SEZ6L: variants seen among roughly 807,000 people sequenced by gnomAD.
SEZ6L encodes the protein seizure related 6 homolog like.
SEZ6L carries 37 observed loss-of-function variants against 106.2 expected under a neutral mutation model. The observed-to-expected ratio is 0.35, with a 90% CI of 0.27 to 0.46. SEZ6L has a LOEUF of 0.46. SEZ6L is among the 20% of genes least tolerant of loss of function. SEZ6L has a pLI of 1.00. For synonymous variants in SEZ6L, 541 were observed against 570.4 expected (o/e 0.95, Z 0.73); for missense variants, 1,172 against 1,332.8 (o/e 0.88, Z 1.88).
intron 1 of SEZ6L, among the ~76,000 whole-genome samples, chr22:26,172,640 G>A (rs1601945609): frequency 6.6e-6 from 1 of 152,296 alleles, no homozygotes; most frequent in East Asian, 1.9e-4. Flanking sequence ...TCTGACCTGT[G>A]AACAACCAGG....
At chr22:26,373,852 C>G (rs1231160918) in intron 14 of SEZ6L, among the ~76,000 whole-genome samples, 1 of 152,158 alleles carries the variant, frequency 6.6e-6, no homozygotes, top group Admixed American at 6.5e-5. Context: ...GAGAGTCCTC[C>G]TGGTTTCCAG....
At chr22:26,284,604 CAAAAAAAA>C (rs137198) in intron 1 of SEZ6L, among the ~76,000 whole-genome samples, 9,601 of 63,884 alleles carry the variant, frequency 0.15, 1,252 homozygotes, top group African/African-American at 0.4. Context: ...ATCAGGACTC[CAAAAAAAA>C]AAAAAAAAAA....
At chr22:26,206,437 A>G (rs1439938968) in intron 1 of SEZ6L, among the ~76,000 whole-genome samples, 1 of 152,230 alleles carries the variant, frequency 6.6e-6, no homozygotes, top group Non-Finnish European at 1.5e-5. Flanking sequence ...TGCATGTCTT[A>G]TCTTAACTAC....
rs759532453 is a variant in SEZ6L at position 26,293,077 on chromosome 22, G to A, written c.766G>A (p.Glu256Lys). 1 of 1,612,002 alleles carries A rather than the reference G, an allele frequency of 6.2e-7. No individual in the cohort carries two copies. The highest frequency in any genetic ancestry group is 8.5e-7 in the Non-Finnish European group (1 of 1,179,790). The change falls in exon 2 of 17, where the codon GAG becomes AAG. Residue 256 changes from glutamate to lysine, a missense_variant. Glu to Lys is a moderately conservative substitution (Grantham distance 56, BLOSUM62 1). Around this residue, in one of 4 missense-constraint regions of SEZ6L, gnomAD observed 494 missense variants for 445.8 expected, o/e 1.11. Coordinates refer to ENST00000248933, the MANE Select transcript of SEZ6L (RefSeq NM_021115.5). ...GAATGAGCTGACTGGGTCAGCCTCAGAGGAGAGCCAGGAGACCACTACCTC... is the reference window on the plus strand; with the variant it reads ...GAATGAGCTGACTGGGTCAGCCTCAAAGGAGAGCCAGGAGACCACTACCTC... The part of the protein sequence containing the change: ...GENELTGSAS[E>K]ESQETTTSTI...
chr22:26,299,010 C>T lies in SEZ6L; in HGVS notation c.1189C>T (p.Arg397Cys), dbSNP rs2081375943. 3 of 1,590,312 alleles carry T rather than the reference C, an allele frequency of 1.9e-6. No homozygotes were observed. The highest frequency in any genetic ancestry group is 1.4e-5 in the African/African-American group (1 of 73,624). ...CTTCATGCTGAGCTGCAACTTTCCC[C>T]GCCGGCCTGACTCTGGGGATGTCAC... ...QAFMLSCNFP[R>C]RPDSGDVTVM... The change falls in exon 5 of 17, where the codon CGC (arginine) becomes TGC (cysteine). Residue 397 changes from arginine (R) to cysteine (C), a missense_variant. Arg to Cys is a radical substitution (Grantham distance 180). This residue lies in a region of SEZ6L where 534 missense variants were observed against 691.0 expected (regional missense o/e 0.77). Coordinates refer to ENST00000248933, the MANE Select transcript of SEZ6L (RefSeq NM_021115.5).
intron 1 of SEZ6L, among the ~76,000 whole-genome samples, chr22:26,284,604 C>CAAAAAAAAAAAA: frequency 1.6e-5 from 1 of 64,034 alleles, no homozygotes; most frequent in African/African-American, 4.5e-5. Flanking sequence ...ATCAGGACTC[C>CAAAAAAAAAAAA]AAAAAAAAAA....
In SEZ6L at chr22:26,311,852, T is replaced by C. The variant is rs142677073; in HGVS notation, c.1766T>C (p.Ile589Thr). The change falls in exon 8 of 17, where the codon ATA (isoleucine) becomes ACA (threonine). Residue 589 changes from isoleucine to threonine, a missense_variant. Physicochemically the swap from Ile to Thr is moderately conservative, Grantham distance 89 (BLOSUM62 -1). Coordinates refer to ENST00000248933, the MANE Select transcript of SEZ6L (RefSeq NM_021115.5). Reference sequence around the variant, plus strand: ...GACCCGACCTATAACATTGGGACTATAGTGGAGTTCACCTGCGACCCCGGC... The same window carrying C: ...GACCCGACCTATAACATTGGGACTACAGTGGAGTTCACCTGCGACCCCGGC... ...TSDPTYNIGT[I>T]VEFTCDPGHS... The C allele has an allele frequency of 1.6e-5, 26 of 1,614,036 alleles. No homozygotes were observed. Among genetic ancestry groups the C allele is most frequent in the Non-Finnish European group, 2.1e-5 (25 of 1,180,026 alleles).
At chr22:26,322,124 T>C (rs561629779) in intron 9 of SEZ6L, among the ~76,000 whole-genome samples, 1 of 152,344 alleles carries the variant, frequency 6.6e-6, no homozygotes, top group South Asian at 2.1e-4. Context: ...AAATTAGAGA[T>C]AATGTATGCC....
intron 1 of SEZ6L, among the ~76,000 whole-genome samples, chr22:26,251,425 CT>C (rs1388963801): frequency 6.7e-6 from 1 of 150,076 alleles, no homozygotes; most frequent in Non-Finnish European, 1.5e-5. Flanking sequence ...TGGTTTTTGT[CT>C]TTGATTCTTT....
intron 12 of SEZ6L, among the ~76,000 whole-genome samples, chr22:26,360,869 A>G (rs1449514184): frequency 6.6e-6 from 1 of 151,640 alleles, no homozygotes; most frequent in Non-Finnish European, 1.5e-5. Flanking sequence ...TTGGAGGAAC[A>G]GAGTCTACGG....
chr22:26,349,969 A>ATTC (rs2083217934), intron 11 of SEZ6L, among the ~76,000 whole-genome samples: 1 of 152,144 alleles, frequency 6.6e-6, no homozygotes, highest in African/African-American at 2.4e-5. Context: ...CCAGCACTAC[A>ATTC]GAGAAAGCAG....
At chr22:26,227,105 C>G (rs749622241) in intron 1 of SEZ6L, among the ~76,000 whole-genome samples, 1 of 152,142 alleles carries the variant, frequency 6.6e-6, no homozygotes, top group Non-Finnish European at 1.5e-5. Flanking sequence ...TTGTTCCCCA[C>G]GCATCCCCAG....
chr22:26,249,205 A>C (rs2079479009), intron 1 of SEZ6L, among the ~76,000 whole-genome samples: 1 of 152,158 alleles, frequency 6.6e-6, no homozygotes, highest in South Asian at 2.1e-4. Flanking sequence ...TAGCTATTTG[A>C]ATATATACAA....
At chr22:26,307,347 G>A (rs1263687519) in intron 6 of SEZ6L, among the ~76,000 whole-genome samples, 4 of 152,150 alleles carry the variant, frequency 2.6e-5, no homozygotes, top group Admixed American at 1.3e-4. Context: ...CACTGGCAGT[G>A]TTTACTGCAC....
At position 26,373,015 on chromosome 22, in the gene SEZ6L, A is replaced by G. The variant is rs561735204; in HGVS notation, c.2795-436A>G. Among the ~76,000 whole-genome samples, 3 of 152,312 alleles carry G rather than the reference A, an allele frequency of 2.0e-5. No individual in the cohort carries two copies. The South Asian group carries it at 6.2e-4, about 32-fold the overall frequency. On this transcript the variant is annotated intron_variant, in intron 13 of 16. Coordinates refer to ENST00000248933, the MANE Select transcript of SEZ6L (RefSeq NM_021115.5). ...AGAAACCAGAGAGCTTGAGCAGCCC[A>G]GACTGAAATCCTGCCTCCATCACTG... is the stretch of plus-strand genomic sequence containing the variant.
At chr22:26,360,167 G>A (rs1427742975) in intron 12 of SEZ6L, among the ~76,000 whole-genome samples, 2 of 152,198 alleles carry the variant, frequency 1.3e-5, no homozygotes, top group African/African-American at 4.8e-5. Flanking sequence ...TACTCTGGGT[G>A]ACTAATTAAA....
rs2084462232 is a variant in SEZ6L at position 26,383,108 on chromosome 22, T to A, written c.*2813T>A. ...TTTTTGTAGAATTATTTAGCTAACA[T>A]AAGTATTCTGATTGCTACCTGATGG... On this transcript the variant is annotated 3_prime_UTR_variant, in exon 17 of 17. Coordinates refer to ENST00000248933, the MANE Select transcript of SEZ6L (RefSeq NM_021115.5). 1 of 141,114 alleles carries A rather than the reference T, an allele frequency of 7.1e-6. No individual in the cohort carries two copies. The highest frequency in any genetic ancestry group is 2.7e-5 in the African/African-American group (1 of 37,636). The allele number at this position is 141,114 out of a possible 1,614,324, so 8.7% of individuals were successfully genotyped here. A position where few individuals can be genotyped will look rare whatever the true frequency, so the allele number is the denominator to read the frequency against.
At chr22:26,237,725 G>A (rs1310869335) in intron 1 of SEZ6L, among the ~76,000 whole-genome samples, 1 of 152,138 alleles carries the variant, frequency 6.6e-6, no homozygotes, top group Non-Finnish European at 1.5e-5. Context: ...AAATGGTTAG[G>A]GCTACTGAGG....
chr22:26,195,785 G>GTGTGTATATATATATATAGTT (rs1940542102), intron 1 of SEZ6L, among the ~76,000 whole-genome samples: 2 of 150,802 alleles, frequency 1.3e-5, no homozygotes, highest in African/African-American at 2.5e-5. Context: ...TATATATAGT[G>GTGTGTATATATATATATAGTT]TGTGTATATA....
Sources: gnomAD v4.1 joint callset for allele counts (sites outside exome capture counted in the v4.1 genomes callset) on GRCh38, gnomAD v4.1.1 for gene constraint, gnomAD v4.1.1 regional missense constraint, MANE v1.5 for transcripts, NCBI Gene and HGNC (gene_info 2026-07-23, HGNC 2026-07-21) for gene names.